The following ETFA variants were observed in gnomAD, a reference collection of about 807,000 sequenced individuals.
ETFA encodes electron transfer flavoprotein subunit alpha, mitochondrial.
A neutral mutation model predicts 46.2 loss-of-function variants in ETFA; 22 were observed. The observed-to-expected ratio is 0.48, with a 90% CI of 0.34 to 0.68. The LOEUF (loss-of-function observed/expected upper bound fraction) is 0.68, where lower values mean the gene tolerates loss of function less well. ETFA is among the 30% of genes least tolerant of loss of function. The probability of loss-of-function intolerance (pLI) is 0.01; values close to 1 mark genes in which losing one functional copy is unlikely to be tolerated. For synonymous variants in ETFA, 131 were observed against 139.9 expected, an observed-to-expected ratio of 0.94 and a Z score of 0.45; for missense variants, 345 against 401.1, an observed-to-expected ratio of 0.86 and a Z score of 1.19.
intron 1 of ETFA, among the ~76,000 whole-genome samples, chr15:76,302,187 C>T (rs1303795250): frequency 1.3e-5 from 2 of 152,168 alleles, no homozygotes; most frequent in Non-Finnish European, 2.9e-5. Context: ...CTCCTTTGTA[C>T]GTACCCAAAT....
intron 10 of ETFA, chr15:76,227,571 AG>A: frequency 4.3e-6 from 1 of 230,140 alleles, no homozygotes. Context: ...AATATCAGAT[AG>A]TTTATCAGTA....
chr15:76,296,818 A>T (rs1261565766), intron 1 of ETFA, among the ~76,000 whole-genome samples: 2 of 152,236 alleles, frequency 1.3e-5, no homozygotes, highest in African/African-American at 4.8e-5. Context: ...AGGAAATTAG[A>T]CTTGTTCATA....
In ETFA at chr15:76,311,354, C is replaced by G; in HGVS notation, c.35G>C (p.Arg12Pro). The G allele has an allele frequency of 2.6e-6, 4 of 1,559,504 alleles. No homozygotes were observed. Among genetic ancestry groups the G allele is most frequent in the South Asian group, 2.4e-5 (2 of 84,840 alleles). ...GCCTTCCCAGTCCGGACTCACCGCC[C>G]GCCGGAGCTGCCCCGGAGCCGCCGC... Reference protein sequence around the residue: ...FRAAAPGQLRRAASLLRFQST... With the variant: ...FRAAAPGQLRPAASLLRFQST... Residue 12 changes from arginine to proline, a missense_variant, in exon 1 of 12, where the codon CGG becomes CCG. Transcript: ENST00000557943.
At chr15:76,290,818 G>A (rs2039753556) in intron 4 of ETFA, among the ~76,000 whole-genome samples, 1 of 152,142 alleles carries the variant, frequency 6.6e-6, no homozygotes, top group Non-Finnish European at 1.5e-5. Context: ...GGTGAGTTGG[G>A]AATAAGAAAG....
intron 1 of ETFA, among the ~76,000 whole-genome samples, chr15:76,302,673 C>T (rs534439200): frequency 6.7e-4 from 102 of 152,204 alleles, no homozygotes; most frequent in African/African-American, 2.4e-3. Context: ...AAACTATGGA[C>T]TCTGGGAAAT....
chr15:76,269,341 A>G (rs1376061362), intron 9 of ETFA, among the ~76,000 whole-genome samples: 1 of 152,204 alleles, frequency 6.6e-6, no homozygotes, highest in East Asian at 1.9e-4. Flanking sequence ...TAAAATACCT[A>G]GTGGCCTTTG....
chr15:76,294,775 C>G, intron 2 of ETFA, among the ~76,000 whole-genome samples: 1 of 152,182 alleles, frequency 6.6e-6, no homozygotes, highest in East Asian at 1.9e-4. Context: ...TCTCAAACAC[C>G]TGACCTCAAG....
chr15:76,235,639 C>A (rs1223912541), intron 9 of ETFA, among the ~76,000 whole-genome samples: 1 of 152,130 alleles, frequency 6.6e-6, no homozygotes, highest in East Asian at 1.9e-4. Flanking sequence ...GTGCCCTGTC[C>A]TCAAGAAGCT....
At chr15:76,294,853 T>G (rs1026311805) in intron 2 of ETFA, among the ~76,000 whole-genome samples, 2 of 152,198 alleles carry the variant, frequency 1.3e-5, no homozygotes, top group Non-Finnish European at 1.5e-5. Flanking sequence ...CCAGCCAGCA[T>G]CAATTATTTA....
chr15:76,286,614 G>A, intron 5 of ETFA, 133 bp from the exon 6 acceptor site: 1 of 690,494 alleles, frequency 1.4e-6, no homozygotes, highest in Non-Finnish European at 2.7e-6. Flanking sequence ...ACTCTATTAA[G>A]TATAGGAAAA....
In ETFA at chr15:76,297,323, G is replaced by A. The variant is rs974853715; in HGVS notation, c.40-1586C>T. Reference sequence around the variant, plus strand: ...ATATGGTACCCTTTCTTTTTTCGTTGGAAGAGCATCATATTTTGGAAAGGA... The same window carrying A: ...ATATGGTACCCTTTCTTTTTTCGTTAGAAGAGCATCATATTTTGGAAAGGA... On this transcript the variant is annotated intron_variant, in intron 1 of 11. Transcript: ENST00000557943. Among the ~76,000 whole-genome samples, 12 of 150,646 alleles carry A rather than the reference G, an allele frequency of 8.0e-5. 1 individual carries two copies. The highest frequency in any genetic ancestry group is 2.7e-4 in the African/African-American group (11 of 41,000).
intron 9 of ETFA, among the ~76,000 whole-genome samples, chr15:76,256,787 A>G (rs1391649333): frequency 6.6e-6 from 1 of 152,234 alleles, no homozygotes; most frequent in African/African-American, 2.4e-5. Context: ...CAGTGATGTC[A>G]TAGACATTGT....
chr15:76,238,765 AG>A (rs1179031224), intron 9 of ETFA, among the ~76,000 whole-genome samples: 1 of 152,208 alleles, frequency 6.6e-6, no homozygotes, highest in African/African-American at 2.4e-5. Context: ...CTCATTTAAA[AG>A]GCCAAACTAT....
intron 9 of ETFA, among the ~76,000 whole-genome samples, chr15:76,267,551 T>G (rs1021570052): frequency 6.6e-6 from 1 of 152,008 alleles, no homozygotes; most frequent in Non-Finnish European, 1.5e-5. Flanking sequence ...GCCATTACTG[T>G]TTTTACTGAT....
chr15:76,295,518 T>C (rs563900635), intron 2 of ETFA, 73 bp downstream of exon 2: 18 of 1,321,748 alleles, frequency 1.4e-5, no homozygotes, highest in South Asian at 9.4e-5. Context: ...CTAAGCATAA[T>C]TCTCTGTTGC....
intron 9 of ETFA, among the ~76,000 whole-genome samples, chr15:76,244,634 C>G (rs1030855660): frequency 1.3e-5 from 2 of 149,498 alleles, no homozygotes; most frequent in African/African-American, 4.9e-5. Flanking sequence ...ATACCTGAAA[C>G]TATATGAGAA....
At chr15:76,222,061 G>T in intron 11 of ETFA, among the ~76,000 whole-genome samples, 1 of 151,726 alleles carries the variant, frequency 6.6e-6, no homozygotes, top group Middle Eastern at 3.2e-3. Flanking sequence ...CTTTCTGTAC[G>T]CTATTATTTG....
chr15:76,253,235 G>C (rs2039317744), intron 9 of ETFA, among the ~76,000 whole-genome samples: 1 of 152,046 alleles, frequency 6.6e-6, no homozygotes, highest in Non-Finnish European at 1.5e-5. Flanking sequence ...GAATCCATAA[G>C]CATACTAGGA....
At chr15:76,218,715 CA>C (rs1407954702) in intron 11 of ETFA, among the ~76,000 whole-genome samples, 1 of 152,204 alleles carries the variant, frequency 6.6e-6, no homozygotes, top group African/African-American at 2.4e-5. Flanking sequence ...ATTGCAGAGG[CA>C]GCTCCCTACT....
Sources: allele counts gnomAD v4.1 joint callset (sites outside exome capture counted in the v4.1 genomes callset), GRCh38; gene constraint gnomAD v4.1.1; transcripts MANE v1.5; gene names NCBI Gene and HGNC (gene_info 2026-07-23, HGNC 2026-07-21).